The following DNAJB6 variants were observed in gnomAD, a reference collection of about 807,000 sequenced individuals.
The protein encoded by DNAJB6 is DnaJ heat shock protein family (Hsp40) member B6.
DNAJB6 carries 16 observed loss-of-function variants against 42.7 expected under a neutral mutation model. That is an observed-to-expected ratio of 0.37 (90% confidence interval 0.25 to 0.57). The LOEUF (loss-of-function observed/expected upper bound fraction) is 0.57, where lower values mean the gene tolerates loss of function less well. DNAJB6 is among the 20% of genes least tolerant of loss of function. The pLI, the probability that DNAJB6 is intolerant of heterozygous loss-of-function variation, is 0.74. For synonymous variants in DNAJB6, 170 were observed against 163.5 expected, an observed-to-expected ratio of 1.04 and a Z score of -0.30; for missense variants, 347 against 416.8, an observed-to-expected ratio of 0.83 and a Z score of 1.46.
chr7:157,362,550 T>A (rs1337963897), intron 2 of DNAJB6, among the ~76,000 whole-genome samples: 1 of 152,026 alleles, frequency 6.6e-6, no homozygotes, highest in Non-Finnish European at 1.5e-5. Context: ...AATTTTGTAT[T>A]TTTAGTAGCG....
chr7:157,399,493 T>C (rs879743517), intron 8 of DNAJB6, among the ~76,000 whole-genome samples: 1 of 152,224 alleles, frequency 6.6e-6, no homozygotes. Flanking sequence ...TACAGCTGCT[T>C]GCAGCGCTCA....
chr7:157,385,070 T>C (rs534315655), intron 7 of DNAJB6, 62 bp downstream of exon 7: 14 of 1,537,606 alleles, frequency 9.1e-6, no homozygotes, highest in African/African-American at 4.1e-5. Flanking sequence ...ACTGGTGCCA[T>C]GTTGCACGTC....
chr7:157,340,960 C>T (rs946722060), intron 1 of DNAJB6, among the ~76,000 whole-genome samples: 5 of 143,702 alleles, frequency 3.5e-5, no homozygotes, highest in South Asian at 2.2e-4. Context: ...CCCACCGCAC[C>T]TGGCTGTGTG....
At chr7:157,376,067 A>T (rs1332731069) in intron 5 of DNAJB6, among the ~76,000 whole-genome samples, 3 of 152,124 alleles carry the variant, frequency 2.0e-5, no homozygotes, top group African/African-American at 7.2e-5. Context: ...CTGCCCTGAG[A>T]TGAACGTGGT....
intron 1 of DNAJB6, among the ~76,000 whole-genome samples, chr7:157,355,860 T>G (rs531571808): frequency 2.0e-5 from 3 of 152,324 alleles, no homozygotes; most frequent in Non-Finnish European, 4.4e-5. Flanking sequence ...GAGCAGGCTT[T>G]CAGTGAGAGT....
chr7:157,361,915 C>T (rs1211684609), intron 2 of DNAJB6, among the ~76,000 whole-genome samples: 2 of 151,750 alleles, frequency 1.3e-5, no homozygotes, highest in Non-Finnish European at 2.9e-5. Flanking sequence ...ATTACAGGTG[C>T]GTGCCTTCAT....
intron 5 of DNAJB6, among the ~76,000 whole-genome samples, chr7:157,376,744 G>A (rs1800494171): frequency 6.6e-6 from 1 of 152,098 alleles, no homozygotes; most frequent in Admixed American, 6.6e-5. Context: ...AGCCAGGCGG[G>A]GTGGCAGGCA....
At chr7:157,340,998 G>GTGTGCGTGTGCGCGCGCGCGCT (rs67210462) in intron 1 of DNAJB6, among the ~76,000 whole-genome samples, 1 of 134,960 alleles carries the variant, frequency 7.4e-6, no homozygotes, top group Non-Finnish European at 1.5e-5. Flanking sequence ...GTGTGTGTGT[G>GTGTGCGTGTGCGCGCGCGCGCT]CGCGCGCGCA....
chr7:157,388,158 TTTATTC>T (rs1156366281), intron 8 of DNAJB6, among the ~76,000 whole-genome samples: 2 of 152,232 alleles, frequency 1.3e-5, no homozygotes, highest in Non-Finnish European at 2.9e-5. Flanking sequence ...GAAAATTACT[TTTATTC>T]TGTTCTTCCA....
chr7:157,369,727 CACATTATTATTAAACAGGCCCCTTCTTA>C (rs1180505473), intron 5 of DNAJB6, among the ~76,000 whole-genome samples: 1,069 of 100,666 alleles, frequency 0.011, 66 homozygotes, highest in African/African-American at 0.043. Context: ...GCCCCTTCTT[CACATTATTATTAAACAGGCCCCTTCTTA>C]ACATTATTAT....
chr7:157,362,099 T>C (rs992391457), intron 2 of DNAJB6, among the ~76,000 whole-genome samples: 4 of 152,280 alleles, frequency 2.6e-5, no homozygotes, highest in African/African-American at 9.6e-5. Flanking sequence ...TGCAATTATT[T>C]GGTCAGTTGG....
intron 1 of DNAJB6, among the ~76,000 whole-genome samples, chr7:157,352,836 G>C (rs1207763425): frequency 6.6e-6 from 1 of 152,118 alleles, no homozygotes; most frequent in Non-Finnish European, 1.5e-5. Context: ...TGAGTAGGTA[G>C]TTTTCCAAGG....
At chr7:157,381,309 T>A (rs1382714907) in intron 5 of DNAJB6, 1 of 152,204 alleles carries the variant, frequency 6.6e-6, no homozygotes, top group Non-Finnish European at 1.5e-5. Flanking sequence ...TGTCTTTACC[T>A]TGCATGCGTT....
intron 1 of DNAJB6, among the ~76,000 whole-genome samples, chr7:157,353,446 G>C (rs960247168): frequency 2.6e-5 from 4 of 152,088 alleles, no homozygotes; most frequent in Admixed American, 2.6e-4. Flanking sequence ...ATTGTTAAAT[G>C]TGGACTTTAT....
chr7:157,382,429 A>T (rs1800832913), intron 6 of DNAJB6, 52 bp downstream of exon 6: 6 of 1,536,986 alleles, frequency 3.9e-6, no homozygotes, highest in Non-Finnish European at 5.3e-6. Context: ...GTTAGTACTT[A>T]TAAAATCATA....
chr7:157,391,924 C>G (rs1446375841), intron 8 of DNAJB6, among the ~76,000 whole-genome samples: 1 of 151,774 alleles, frequency 6.6e-6, no homozygotes, highest in Non-Finnish European at 1.5e-5. Flanking sequence ...GCAACATGGT[C>G]AAACCACGTC....
chr7:157,412,249 T>C (rs1359650482), intron 9 of DNAJB6: 1 of 152,218 alleles, frequency 6.6e-6, no homozygotes, highest in Non-Finnish European at 1.5e-5. Flanking sequence ...GGTTTTGGTC[T>C]CTGCAGAGGC....
intron 5 of DNAJB6, chr7:157,369,607 CCCCTTCTTAACATTGTTATTAAA>C: frequency 3.2e-6 from 1 of 310,658 alleles, no homozygotes; most frequent in Non-Finnish European, 6.3e-6. Context: ...ATTAAATAGG[CCCCTTCTTAACATTGTTATTAAA>C]GAGGCCCTTT....
chr7:157,391,877 T>C (rs770753732), intron 8 of DNAJB6, among the ~76,000 whole-genome samples: 15 of 151,990 alleles, frequency 9.9e-5, no homozygotes, highest in South Asian at 4.1e-4. Flanking sequence ...TGAGGTGGGT[T>C]GATTGCTTTG....
Sources: gnomAD v4.1 joint callset for allele counts (sites outside exome capture counted in the v4.1 genomes callset) on GRCh38, gnomAD v4.1.1 for gene constraint, MANE v1.5 for transcripts, NCBI Gene and HGNC (gene_info 2026-07-23, HGNC 2026-07-21) for gene names.